Variants in CLDND2 observed in about 807,000 individuals in gnomAD.
The protein encoded by CLDND2 is claudin domain containing 2.
CLDND2 carries 18 observed loss-of-function variants against 17.7 expected under a neutral mutation model. The observed-to-expected ratio is 1.02, with a 90% CI of 0.70 to 1.51. The LOEUF is 1.51. CLDND2 is among the 40% of genes most tolerant of loss of function. The pLI is 0.00. For synonymous variants in CLDND2, 113 were observed against 93.0 expected (o/e 1.22, Z -1.24); for missense variants, 233 against 219.6 (o/e 1.06, Z -0.39).
At position 51,367,814 on chromosome 19, in the gene CLDND2, C is replaced by G; in HGVS notation, c.310+72G>C. ...CTGGCCGAGTACCTCAAGCCCCTCC[C>G]CTGGCGACCAGGCCCCTCCATCACC... On this transcript the variant is annotated intron_variant, in intron 2 of 3. Coordinates refer to ENST00000291715, the MANE Select transcript of CLDND2 (RefSeq NM_152353.3). This position sits in a 1 kb window ranked among gnomAD's most constrained non-coding sequence, Gnocchi z 7.4. 1 of 1,561,672 alleles carries G rather than the reference C, an allele frequency of 6.4e-7. No individual in the cohort carries two copies. The highest frequency in any genetic ancestry group is 8.6e-7 in the Non-Finnish European group (1 of 1,159,446).
chr19:51,368,227 G>A, intron 1 of CLDND2, 182 bp downstream of exon 1: 1 of 895,866 alleles, frequency 1.1e-6, no homozygotes, highest in African/African-American at 1.7e-5. Context: ...CCAGGACGGG[G>A]AGGGGGTCGG....
downstream of CLDND2, chr19:51,367,087 G>C: frequency 6.4e-7 from 1 of 1,569,314 alleles, no homozygotes; most frequent in African/African-American, 1.4e-5. This position sits in a 1 kb window ranked among gnomAD's most constrained non-coding sequence, Gnocchi z 7.4. Context: ...AAAAGCACGC[G>C]GAGCCGCAGC....
At position 51,367,102 on chromosome 19, in the gene CLDND2, A is replaced by G. The variant is rs769476219; in HGVS notation, c.*40T>C. ...AAAAGCACGCGGAGCCGCAGCGCTA[A>G]AAAAAGCCGTTCCTTTATTCTGCCC... On this transcript the variant is annotated 3_prime_UTR_variant, in exon 4 of 4. Transcript: ENST00000291715. This position sits in a 1 kb window ranked among gnomAD's most constrained non-coding sequence, Gnocchi z 7.4. 1 of 1,605,816 alleles carries G rather than the reference A, an allele frequency of 6.2e-7. No homozygotes were observed. The highest frequency in any genetic ancestry group is 2.2e-5 in the East Asian group (1 of 44,834).
rs1369751601 is a variant in CLDND2, at chr19:51,367,556, A to G, written c.331T>C (p.Leu111=). 1.2e-6 allele frequency: 2 copies of G among 1,612,026 alleles called. No homozygotes were observed. The highest frequency in any genetic ancestry group is 2.2e-5 in the East Asian group (1 of 44,832). The change falls in exon 3 of 4, where the codon TTG becomes CTG. Residue 111 remains leucine (L), a synonymous_variant. Coordinates refer to ENST00000291715, the MANE Select transcript of CLDND2 (RefSeq NM_152353.3). The surrounding 1 kb of genome is among the most constrained non-coding windows in gnomAD (Gnocchi z 7.4). ...FLGGLLLLTA[L]IGYTVKNAWK... is the part of the protein sequence containing the mutation. Reference sequence around the variant, plus strand: ...GCATTCTTCACGGTGTAGCCTATCAAGGCGGTCAGCAGCAGCAGTCCTGGG... The same window carrying G: ...GCATTCTTCACGGTGTAGCCTATCAGGGCGGTCAGCAGCAGCAGTCCTGGG...
chr19:51,368,173 T>C (rs1986511612), intron 1 of CLDND2, 147 bp from the exon 2 acceptor site: 9 of 984,056 alleles, frequency 9.1e-6, no homozygotes, highest in African/African-American at 1.6e-5. Flanking sequence ...GGCGTTTGGA[T>C]TGAGACTTGG....
In CLDND2 at chr19:51,368,598, G is replaced by A; in HGVS notation, c.-21C>T. The A allele has an allele frequency of 6.2e-7, 1 of 1,606,504 alleles. No homozygotes were observed. The highest frequency in any genetic ancestry group is 8.5e-7 in the Non-Finnish European group (1 of 1,177,336). On this transcript the variant is annotated 5_prime_UTR_variant, in exon 1 of 4. Coordinates refer to ENST00000291715, the MANE Select transcript of CLDND2 (RefSeq NM_152353.3). ...CCCATGCCACTGAGGCTGCAGCCGG[G>A]GGCCACAAGGGCAGGATGGGCCCAG...
intron 1 of CLDND2, 55 bp downstream of exon 1, chr19:51,368,354 C>A: frequency 1.3e-6 from 2 of 1,551,180 alleles, no homozygotes; most frequent in Non-Finnish European, 8.7e-7. Flanking sequence ...AGCTGTGTGT[C>A]CCGAGCCCTG....
chr19:51,368,151 G>T (rs1303750471), intron 1 of CLDND2, 125 bp from the exon 2 acceptor site: 2 of 1,111,022 alleles, frequency 1.8e-6, no homozygotes, highest in Non-Finnish European at 2.5e-6. Context: ...GAGCTCCACC[G>T]ACCGGGAGTC....
Position 51,367,671 on chromosome 19 carries a change from A to T in CLDND2, c.311-95T>A, listed in dbSNP as rs2123628030. ...CAGACCCGCCCCCTTCTATCAGACCACGCCTATCGCCTCTCAGCCCGCCCC... is the reference window on the plus strand; with the variant it reads ...CAGACCCGCCCCCTTCTATCAGACCTCGCCTATCGCCTCTCAGCCCGCCCC... On this transcript the variant is annotated intron_variant, in intron 2 of 3. Coordinates refer to ENST00000291715, the MANE Select transcript of CLDND2 (RefSeq NM_152353.3). This position sits in a 1 kb window ranked among gnomAD's most constrained non-coding sequence, Gnocchi z 7.4. 1 of 1,512,032 alleles carries T rather than the reference A, an allele frequency of 6.6e-7. No homozygotes were observed. The highest frequency in any genetic ancestry group is 2.5e-5 in the East Asian group (1 of 40,774). The allele number at this position is 1,512,032 out of a possible 1,614,324, so 93.7% of individuals were successfully genotyped here.
Position 51,367,118 on chromosome 19 carries a change from TATTCTGCCCCAGGCAGGCTGCAGTC to T in CLDND2, c.503_*23del. 6.2e-7 allele frequency: 1 copy of T among 1,613,046 alleles called. No homozygotes were observed. Among genetic ancestry groups the T allele is most frequent in the Non-Finnish European group, 8.5e-7 (1 of 1,179,034 alleles). ...GCAGCGCTAAAAAAAGCCGTTCCTT[TATTCTGCCCCAGGCAGGCTGCAGTC>T]ACAGACACACGGGGAATCCACTGAT... On this transcript the variant is annotated stop_retained_variant and 3_prime_UTR_variant, in exon 4 of 4. Transcript: ENST00000291715. The surrounding 1 kb of genome is among the most constrained non-coding windows in gnomAD (Gnocchi z 7.4).
chr19:51,368,182 G>T, intron 1 of CLDND2, 156 bp from the exon 2 acceptor site: 1 of 929,634 alleles, frequency 1.1e-6, no homozygotes, highest in Non-Finnish European at 1.6e-6. Context: ...ATTGAGACTT[G>T]GAGGTCACAT....
chr19:51,367,552 A>G lies in CLDND2; in HGVS notation c.335T>C (p.Ile112Thr), dbSNP rs764001121. 23 of 1,612,048 alleles carry G rather than the reference A, an allele frequency of 1.4e-5. No homozygotes were observed. Among genetic ancestry groups the G allele is most frequent in the South Asian group, 1.2e-4 (11 of 90,570 alleles). The change falls in exon 3 of 4, where the codon ATA (isoleucine) becomes ACA (threonine). Residue 112 changes from isoleucine to threonine, a missense_variant. Physicochemically the swap from Ile to Thr is moderately conservative, Grantham distance 89. Coordinates refer to ENST00000291715, the MANE Select transcript of CLDND2 (RefSeq NM_152353.3). The surrounding 1 kb of genome is among the most constrained non-coding windows in gnomAD (Gnocchi z 7.4). ...CCACGCATTCTTCACGGTGTAGCCT[A>G]TCAAGGCGGTCAGCAGCAGCAGTCC... ...LGGLLLLTAL[I>T]GYTVKNAWKN...
In CLDND2 at chr19:51,367,109, C is replaced by G; in HGVS notation, c.*33G>C. 6.2e-7 allele frequency: 1 copy of G among 1,609,716 alleles called. No individual in the cohort carries two copies. Among genetic ancestry groups the G allele is most frequent in the Non-Finnish European group, 8.5e-7 (1 of 1,176,072 alleles). On this transcript the variant is annotated 3_prime_UTR_variant, in exon 4 of 4. Coordinates refer to ENST00000291715, the MANE Select transcript of CLDND2 (RefSeq NM_152353.3). This position sits in a 1 kb window ranked among gnomAD's most constrained non-coding sequence, Gnocchi z 7.4. ...CGCGGAGCCGCAGCGCTAAAAAAAGCCGTTCCTTTATTCTGCCCCAGGCAG... is the reference window on the plus strand; with the variant it reads ...CGCGGAGCCGCAGCGCTAAAAAAAGGCGTTCCTTTATTCTGCCCCAGGCAG...
Position 51,367,399 on chromosome 19 carries a change from T to C in CLDND2, c.430+58A>G, listed in dbSNP as rs1281257957. On this transcript the variant is annotated intron_variant, in intron 3 of 3. Coordinates refer to ENST00000291715, the MANE Select transcript of CLDND2 (RefSeq NM_152353.3). The surrounding 1 kb of genome is among the most constrained non-coding windows in gnomAD (Gnocchi z 7.4). Reference sequence around the variant, plus strand: ...TTCCTGGGAGGGCAGCTGGGGAGCCTCTGGGGTGAGGGTCTTCTGGGCAGT... The same window carrying C: ...TTCCTGGGAGGGCAGCTGGGGAGCCCCTGGGGTGAGGGTCTTCTGGGCAGT... 6.5e-7 allele frequency: 1 copy of C among 1,527,340 alleles called. No individual in the cohort carries two copies. Among genetic ancestry groups the C allele is most frequent in the Admixed American group, 1.9e-5 (1 of 52,396 alleles). 94.6% of individuals were successfully genotyped at this position (1,527,340 alleles called of 1,614,324 possible).
chr19:51,367,162 C>T lies in CLDND2; in HGVS notation c.484G>A (p.Gly162Arg), dbSNP rs1440564055. 2 of 1,614,240 alleles carry T rather than the reference C, an allele frequency of 1.2e-6. No homozygotes were observed. Among genetic ancestry groups the T allele is most frequent in the African/African-American group, 1.3e-5 (1 of 75,066 alleles). Residue 162 changes from glycine (G) to arginine (R), a missense_variant, in exon 4 of 4, where the codon GGA becomes AGA. Coordinates refer to ENST00000291715, the MANE Select transcript of CLDND2 (RefSeq NM_152353.3). The surrounding 1 kb of genome is among the most constrained non-coding windows in gnomAD (Gnocchi z 7.4). ...MIMQSTDAIS[G>R]FPVCL is the part of the protein sequence containing the mutation. ...TGCAGTCACAGACACACGGGGAATCCACTGATGGCGTCGGTGCTCTGCATG... is the reference window on the plus strand; with the variant it reads ...TGCAGTCACAGACACACGGGGAATCTACTGATGGCGTCGGTGCTCTGCATG...
chr19:51,367,050 C>G, downstream of CLDND2: 2 of 1,211,042 alleles, frequency 1.7e-6, no homozygotes, highest in South Asian at 2.4e-5. The surrounding 1 kb of genome is among the most constrained non-coding windows in gnomAD (Gnocchi z 7.4). Flanking sequence ...CTATGCAACC[C>G]CGTGCCTGCG....
Position 51,368,534 on chromosome 19 carries a change from C to G in CLDND2, c.44G>C (p.Ser15Thr). ...CACCATGAGGACGTTGGCCACGAGG[C>G]TGAGCAGAATGCCCCCACTCTGGAG... ...RSLQSGGILL[S>T]LVANVLMVLS... Residue 15 changes from serine (S) to threonine (T), a missense_variant, in exon 1 of 4, where the codon AGC (serine) becomes ACC (threonine). Coordinates refer to ENST00000291715, the MANE Select transcript of CLDND2 (RefSeq NM_152353.3). 1 of 1,613,998 alleles carries G rather than the reference C, an allele frequency of 6.2e-7. No individual in the cohort carries two copies.
chr19:51,367,320 C>G lies in CLDND2; in HGVS notation c.431-105G>C. 7.2e-7 allele frequency: 1 copy of G among 1,398,528 alleles called. No homozygotes were observed. Among genetic ancestry groups the G allele is most frequent in the Non-Finnish European group, 1.0e-6 (1 of 999,614 alleles). The allele number at this position is 1,398,528 out of a possible 1,614,324, so 86.6% of individuals were successfully genotyped here. A position where few individuals can be genotyped will look rare whatever the true frequency, so the allele number is the denominator to read the frequency against. The stretch of plus-strand genomic sequence containing the variant: ...TTTGGGGCTCCAAGGGGGTCTCTGC[C>G]GGGTCTGCGGGAGTCGTTAGTGTGT... On this transcript the variant is annotated intron_variant, in intron 3 of 3. Transcript: ENST00000291715. The surrounding 1 kb of genome is among the most constrained non-coding windows in gnomAD (Gnocchi z 7.4).
downstream of CLDND2, chr19:51,367,037 C>T: frequency 9.7e-7 from 1 of 1,029,418 alleles, no homozygotes; most frequent in Non-Finnish European, 1.5e-6. The surrounding 1 kb of genome is among the most constrained non-coding windows in gnomAD (Gnocchi z 7.4). Context: ...CTTCCCTGAG[C>T]CTCTATGCAA....
Sources: gnomAD v4.1 joint callset for allele counts on GRCh38, gnomAD v4.1.1 for gene constraint, Gnocchi (gnomAD v3.1) non-coding constraint, MANE v1.5 for transcripts, NCBI Gene and HGNC (gene_info 2026-07-23, HGNC 2026-07-21) for gene names.